ZCWPW2: variants seen among roughly 807,000 people sequenced by gnomAD.
ZCWPW2 encodes the protein zinc finger CW-type PWWP domain protein 2.
In ZCWPW2, 45 loss-of-function variants were observed where a neutral mutation model predicts 46.6. The ratio of observed to expected loss-of-function variants is 0.96; its 90% confidence interval spans 0.76 to 1.24. ZCWPW2 has a LOEUF of 1.24. ZCWPW2 is among the 50% of genes most tolerant of loss of function. The pLI is 0.00. For missense variants in ZCWPW2, 429 were observed against 403.9 expected (o/e 1.06, Z -0.53); for synonymous variants, 152 against 137.1 (o/e 1.11, Z -0.76).
At chr3:28,475,599 C>A (rs570921996) in intron 4 of ZCWPW2, among the ~76,000 whole-genome samples, 9 of 152,140 alleles carry the variant, frequency 5.9e-5, no homozygotes, top group African/African-American at 2.2e-4. Context: ...ATGATGTGGC[C>A]CTTGTTAATT....
intron 4 of ZCWPW2, among the ~76,000 whole-genome samples, chr3:28,475,561 G>C (rs1333684422): frequency 6.6e-6 from 1 of 152,160 alleles, no homozygotes; most frequent in Non-Finnish European, 1.5e-5. Flanking sequence ...AGTAGCCAAA[G>C]ACCCTACAAT....
intron 9 of ZCWPW2, among the ~76,000 whole-genome samples, chr3:28,522,496 A>G (rs1700749893): frequency 6.6e-6 from 1 of 152,208 alleles, no homozygotes; most frequent in Admixed American, 6.5e-5. Context: ...AAAGGGGTTT[A>G]TACCTTTAAG....
chr3:28,475,106 A>G (rs1699191548), intron 4 of ZCWPW2, among the ~76,000 whole-genome samples: 2 of 152,056 alleles, frequency 1.3e-5, no homozygotes, highest in Admixed American at 6.6e-5. Context: ...GGCCTCCTAA[A>G]GTGCTAGGAT....
chr3:28,464,466 G>C (rs1232557523), intron 4 of ZCWPW2, among the ~76,000 whole-genome samples: 2 of 152,072 alleles, frequency 1.3e-5, no homozygotes, highest in East Asian at 3.9e-4. Flanking sequence ...TTGGCAATCA[G>C]ATGTTCCTAG....
intron 1 of ZCWPW2, among the ~76,000 whole-genome samples, chr3:28,383,605 G>A (rs1695173551): frequency 1.3e-5 from 2 of 151,890 alleles, no homozygotes; most frequent in South Asian, 2.1e-4. Flanking sequence ...AAGATAAGAG[G>A]TGTGTGTTAA....
At chr3:28,376,892 T>C (rs573821453) in intron 1 of ZCWPW2, among the ~76,000 whole-genome samples, 1 of 152,246 alleles carries the variant, frequency 6.6e-6, no homozygotes, top group East Asian at 1.9e-4. Flanking sequence ...TAAACAGAAC[T>C]GGACAATTTG....
chr3:28,499,699 G>A (rs1310432104), intron 6 of ZCWPW2, among the ~76,000 whole-genome samples: 1 of 151,952 alleles, frequency 6.6e-6, no homozygotes, highest in East Asian at 1.9e-4. Flanking sequence ...ATTGCTTTTG[G>A]TGTTTTAGTC....
chr3:28,442,180 G>A (rs144174464), intron 4 of ZCWPW2, among the ~76,000 whole-genome samples: 4 of 152,314 alleles, frequency 2.6e-5, no homozygotes, highest in South Asian at 2.1e-4. Flanking sequence ...TGAGGAATAC[G>A]TTGCCTCCAA....
chr3:28,502,896 A>G (rs1700185815), intron 6 of ZCWPW2, among the ~76,000 whole-genome samples: 1 of 152,132 alleles, frequency 6.6e-6, no homozygotes, highest in African/African-American at 2.4e-5. Flanking sequence ...GTAAACAAAA[A>G]TTGAGGTTTA....
At chr3:28,421,103 T>C (rs1696764528) in intron 3 of ZCWPW2, among the ~76,000 whole-genome samples, 2 of 152,184 alleles carry the variant, frequency 1.3e-5, no homozygotes, top group Admixed American at 1.3e-4. Context: ...GGAGCACCTC[T>C]TTGTTACTCC....
At position 28,423,701 on chromosome 3, in the gene ZCWPW2, T is replaced by G. The variant is rs145822551; in HGVS notation, c.332+10301T>G. ...TTTATCCTGAAACGGATCTTGGTTG[T>G]TTGCTTCATAGGGCCCACACTTTTC... On this transcript the variant is annotated intron_variant, in intron 3 of 9. Coordinates refer to ENST00000383768, the MANE Select transcript of ZCWPW2 (RefSeq NM_001040432.4). 2.5e-3 allele frequency among the ~76,000 whole-genome samples: 386 copies of G among 152,144 alleles called. 1 individual carries two copies. Among genetic ancestry groups the G allele is most frequent in the African/African-American group, 8.4e-3 (350 of 41,528 alleles).
At chr3:28,453,336 A>G (rs1698298739) in intron 4 of ZCWPW2, among the ~76,000 whole-genome samples, 1 of 152,238 alleles carries the variant, frequency 6.6e-6, no homozygotes, top group South Asian at 2.1e-4. Context: ...TTATGAATTT[A>G]GATAGCTGTG....
At chr3:28,402,480 A>G (rs1056557135) in intron 2 of ZCWPW2, among the ~76,000 whole-genome samples, 3 of 152,192 alleles carry the variant, frequency 2.0e-5, no homozygotes, top group Admixed American at 6.5e-5. Flanking sequence ...CAGACATTCA[A>G]AGAATTGGTA....
At chr3:28,374,649 G>A (rs1705444660) in intron 1 of ZCWPW2, among the ~76,000 whole-genome samples, 1 of 151,922 alleles carries the variant, frequency 6.6e-6, no homozygotes, top group African/African-American at 2.4e-5. Context: ...TTTCATCAGT[G>A]TTCTCTTCCT....
At chr3:28,433,360 A>G (rs945094571) in intron 3 of ZCWPW2, among the ~76,000 whole-genome samples, 9 of 152,174 alleles carry the variant, frequency 5.9e-5, no homozygotes, top group African/African-American at 1.9e-4. Flanking sequence ...ATCTAGTGGA[A>G]AACATTTGGG....
intron 4 of ZCWPW2, among the ~76,000 whole-genome samples, chr3:28,465,809 T>G (rs1194030205): frequency 6.6e-6 from 1 of 151,938 alleles, no homozygotes; most frequent in African/African-American, 2.4e-5. Context: ...GAAAAAACGA[T>G]TAAAAGCATA....
intron 1 of ZCWPW2, among the ~76,000 whole-genome samples, chr3:28,372,406 A>G (rs907275746): frequency 6.6e-6 from 1 of 152,210 alleles, no homozygotes. Context: ...TAACAGCCCA[A>G]ATATCTAAAG....
chr3:28,450,657 G>C (rs967096960), intron 4 of ZCWPW2, among the ~76,000 whole-genome samples: 1 of 152,102 alleles, frequency 6.6e-6, no homozygotes, highest in African/African-American at 2.4e-5. Context: ...TCTTATCCAT[G>C]ATGTGAGTGG....
At position 28,384,214 on chromosome 3, in the gene ZCWPW2, A is replaced by G. The variant is rs1257322189; in HGVS notation, c.-133-6284A>G. On this transcript the variant is annotated intron_variant, in intron 1 of 9. Transcript: ENST00000383768. The stretch of plus-strand genomic sequence containing the variant: ...ACCACAGTCTTCTTTCCTTGCTTTC[A>G]TCTTTCTCTACCCATGGAATATGTT... Among the ~76,000 whole-genome samples, 3 of 152,086 alleles carry G rather than the reference A, an allele frequency of 2.0e-5. No individual in the cohort carries two copies. In the South Asian group the frequency reaches 6.2e-4, roughly 32 times the overall value.
Sources: gnomAD v4.1 joint callset for allele counts (sites outside exome capture counted in the v4.1 genomes callset) on GRCh38, gnomAD v4.1.1 for gene constraint, MANE v1.5 for transcripts, NCBI Gene and HGNC (gene_info 2026-07-23, HGNC 2026-07-21) for gene names.